Variants in AP5B1 observed in about 807,000 individuals in gnomAD.
The protein encoded by AP5B1 is AP-5 complex subunit beta-1.
AP5B1 carries 3 observed loss-of-function variants against 5.7 expected under a neutral mutation model. That is an observed-to-expected ratio of 0.53 (90% CI 0.24 to 1.36). The LOEUF is 1.36. Ranked by LOEUF, AP5B1 falls within the 40% of genes most tolerant of loss-of-function variation. The pLI is 0.17. For synonymous variants in AP5B1, 696 were observed against 555.5 expected, an observed-to-expected ratio of 1.25 and a Z score of -3.56; for missense variants, 1,310 against 1,143.2, an observed-to-expected ratio of 1.15 and a Z score of -2.10.
chr11:65,779,273 TGCAGGAGACTGG>T lies in AP5B1; in HGVS notation c.1208_1219del (p.Pro403_Leu406del). The T allele has an allele frequency of 2.5e-6, 4 of 1,597,406 alleles. No homozygotes were observed. The highest frequency in any genetic ancestry group is 3.4e-6 in the Non-Finnish European group (4 of 1,171,064). On this transcript the variant is annotated inframe_deletion, in exon 2 of 2. Coordinates refer to ENST00000532090, the MANE Select transcript of AP5B1 (RefSeq NM_138368.5). ...GCGGGCCAGGAGGGCCATTGGGTCA[TGCAGGAGACTGG>T]GCAGGAGACCACGGCATAGCTGGGG...
rs907136733 is a variant in AP5B1, at chr11:65,776,503, A to C, written c.*1353T>G. 2 of 152,180 alleles carry C rather than the reference A, an allele frequency of 1.3e-5. No homozygotes were observed. The highest frequency in any genetic ancestry group is 6.5e-5 in the Admixed American group (1 of 15,282). 9.4% of individuals were successfully genotyped at this position (152,180 alleles called of 1,614,324 possible). A position where few individuals can be genotyped will look rare whatever the true frequency, so the allele number is the denominator to read the frequency against. ...TTGCAAGGATGAAATGAGGCAACGT[A>C]CATGTGCCTGGCAGCACAGCTGACC... is the stretch of plus-strand genomic sequence containing the variant. On this transcript the variant is annotated 3_prime_UTR_variant, in exon 2 of 2. Transcript: ENST00000532090.
rs772243614 is a variant in AP5B1, at chr11:65,779,913, G to A, written c.580C>T (p.Arg194Cys). 1.3e-6 allele frequency: 2 copies of A among 1,590,812 alleles called. No homozygotes were observed. Among genetic ancestry groups the A allele is most frequent in the Non-Finnish European group, 1.7e-6 (2 of 1,168,612 alleles). ...CGGGACTGGAGCACCAAGGTGTTGC[G>A]CAAAGCGAGGGCCAGCAACAGGCTG... Reference protein sequence around the residue: ...PLSLLLALALRNTLVLQSRVG... With the variant: ...PLSLLLALALCNTLVLQSRVG... The change falls in exon 2 of 2, where the codon CGC becomes TGC. Residue 194 changes from arginine (R) to cysteine (C), a missense_variant. Arg to Cys is a radical substitution (Grantham distance 180, BLOSUM62 -3). Transcript: ENST00000532090.
At position 65,778,749 on chromosome 11, in the gene AP5B1, C is replaced by G. The variant is rs746825612; in HGVS notation, c.1744G>C (p.Ala582Pro). The change falls in exon 2 of 2, where the codon GCG becomes CCG. Residue 582 changes from alanine (A) to proline (P), a missense_variant. Transcript: ENST00000532090. ...LQQGLLRVCR[A>P]LLRAGVRGGL... ...CCCCTCACCCCTGCCCGCAGCAGCG[C>G]CCGGCAGACCCGCAGCAGGCCCTGC... is the stretch of plus-strand genomic sequence containing the variant. 6.2e-7 allele frequency: 1 copy of G among 1,607,446 alleles called. No homozygotes were observed. Among genetic ancestry groups the G allele is most frequent in the East Asian group, 2.2e-5 (1 of 44,798 alleles).
chr11:65,779,881 C>T lies in AP5B1; in HGVS notation c.612G>A (p.Gly204=), dbSNP rs780484384. The change falls in exon 2 of 2, where the codon GGG becomes GGA. Residue 204 remains glycine (G), a synonymous_variant. Transcript: ENST00000532090. ...RNTLVLQSRV[G]AGLGGLLTDK... ...CCGTGAGCAGTCCCCCCAGGCCAGC[C>T]CCAACCCGGGACTGGAGCACCAAGG... 1.1e-5 allele frequency: 18 copies of T among 1,595,032 alleles called. No individual in the cohort carries two copies. The highest frequency in any genetic ancestry group is 1.5e-5 in the Non-Finnish European group (18 of 1,170,472).
At position 65,778,773 on chromosome 11, in the gene AP5B1, G is replaced by C. The variant is rs767990013; in HGVS notation, c.1720C>G (p.Gln574Glu). Residue 574 changes from glutamine to glutamate, a missense_variant, in exon 2 of 2, where the codon CAG becomes GAG. By Grantham distance (29) the Gln-to-Glu change is conservative (BLOSUM62 2). Transcript: ENST00000532090. The part of the protein sequence containing the change: ...AAHCTNWDLQ[Q>E]GLLRVCRALL... ...GCCCGGCAGACCCGCAGCAGGCCCT[G>C]CTGTAGGTCCCAGTTCGTGCAGTGG... 6.2e-6 allele frequency: 10 copies of C among 1,610,324 alleles called. No homozygotes were observed. The highest frequency in any genetic ancestry group is 1.7e-4 in the Middle Eastern group (1 of 5,996).
Position 65,779,471 on chromosome 11 carries a change from G to A in AP5B1, c.1022C>T (p.Ala341Val), listed in dbSNP as rs1344849492. ...KAAFGEALFT[A>V]QDEALLLRRL... is the part of the protein sequence containing the mutation. ...GCGGAGCAGCAACGCTTCATCCTGG[G>A]CTGTGAACAAGGCCTCACCAAAGGC... Residue 341 changes from alanine to valine, a missense_variant, in exon 2 of 2, where the codon GCC (alanine) becomes GTC (valine). Ala to Val is a moderately conservative substitution (Grantham distance 64, BLOSUM62 0). Transcript: ENST00000532090. 2 of 1,603,852 alleles carry A rather than the reference G, an allele frequency of 1.2e-6. No individual in the cohort carries two copies. Among genetic ancestry groups the A allele is most frequent in the Non-Finnish European group, 1.7e-6 (2 of 1,175,928 alleles).
chr11:65,780,677 G>A lies in AP5B1; in HGVS notation c.-86C>T. The A allele has an allele frequency of 1.6e-6, 2 of 1,278,904 alleles. No homozygotes were observed. Among genetic ancestry groups the A allele is most frequent in the Non-Finnish European group, 2.0e-6 (2 of 1,007,574 alleles). 79.2% of individuals were successfully genotyped at this position (1,278,904 alleles called of 1,614,324 possible). On this transcript the variant is annotated 5_prime_UTR_variant, in exon 1 of 2. Transcript: ENST00000532090. Reference sequence around the variant, plus strand: ...CGCGGGGCCCGCTGCCGACCCCGAGGGGCTGCGGTCACCCCCAGACGCCGC... The same window carrying A: ...CGCGGGGCCCGCTGCCGACCCCGAGAGGCTGCGGTCACCCCCAGACGCCGC...
In AP5B1 at chr11:65,778,175, G is replaced by A. The variant is rs1857789876; in HGVS notation, c.2318C>T (p.Pro773Leu). The A allele has an allele frequency of 2.5e-6, 4 of 1,613,008 alleles. No homozygotes were observed. The highest frequency in any genetic ancestry group is 3.4e-6 in the Non-Finnish European group (4 of 1,179,910). The change falls in exon 2 of 2, where the codon CCT becomes CTT. Residue 773 changes from proline to leucine, a missense_variant. By Grantham distance (98) the Pro-to-Leu change is moderately conservative. Coordinates refer to ENST00000532090, the MANE Select transcript of AP5B1 (RefSeq NM_138368.5). The part of the protein sequence containing the change: ...FADLFLPFPQ[P>L]PEGAGLGFFE... ...GAAGCCCAGCCCGGCCCCCTCTGGA[G>A]GCTGCGGGAAAGGCAGAAAGAGGTC... is the stretch of plus-strand genomic sequence containing the variant.
At position 65,778,063 on chromosome 11, in the gene AP5B1, C is replaced by T. The variant is rs1440336204; in HGVS notation, c.2430G>A (p.Leu810=). Residue 810 remains leucine, a synonymous_variant, in exon 2 of 2, where the codon TTG becomes TTA. Coordinates refer to ENST00000532090, the MANE Select transcript of AP5B1 (RefSeq NM_138368.5). ...CPLGPQGLEG[L]VSRHLEPFVV... ...CAAAAGGCTCCAGGTGGCGGGACAC[C>T]AAGCCCTCCAGGCCCTGTGGCCCAA... 1 of 1,612,764 alleles carries T rather than the reference C, an allele frequency of 6.2e-7. No homozygotes were observed. The highest frequency in any genetic ancestry group is 2.2e-5 in the East Asian group (1 of 44,886).
Position 65,778,395 on chromosome 11 carries a change from C to T in AP5B1, c.2098G>A (p.Glu700Lys), listed in dbSNP as rs756862890. The change falls in exon 2 of 2, where the codon GAA becomes AAA. Residue 700 changes from glutamate to lysine, a missense_variant. Coordinates refer to ENST00000532090, the MANE Select transcript of AP5B1 (RefSeq NM_138368.5). ...TCCAGGGGTGCATACAGCTGTCCTTCCACACGGAAGCGCAGCTCCAGAGAG... is the reference window on the plus strand; with the variant it reads ...TCCAGGGGTGCATACAGCTGTCCTTTCACACGGAAGCGCAGCTCCAGAGAG... ...IYSLELRFRV[E>K]GQLYAPLEAV... 2.0e-5 allele frequency: 32 copies of T among 1,598,658 alleles called. No individual in the cohort carries two copies. In the Admixed American group the frequency reaches 2.3e-4, roughly 11 times the overall value.
Position 65,780,089 on chromosome 11 carries a change from C to A in AP5B1, c.404G>T (p.Arg135Leu), listed in dbSNP as rs1476998809. 3 of 1,524,698 alleles carry A rather than the reference C, an allele frequency of 2.0e-6. No individual in the cohort carries two copies. The highest frequency in any genetic ancestry group is 2.6e-6 in the Non-Finnish European group (3 of 1,135,116). 94.4% of individuals were successfully genotyped at this position (1,524,698 alleles called of 1,614,324 possible). A position where few individuals can be genotyped will look rare whatever the true frequency, so the allele number is the denominator to read the frequency against. The stretch of plus-strand genomic sequence containing the variant: ...CTGTTCCGAGGCGGGGACAAAGCCT[C>A]GCCCCAGATCGCTACCCGCGGCCAG... ...LGLAAGSDLGRGFVPASEQRP... is the reference protein window; with the variant it reads ...LGLAAGSDLGLGFVPASEQRP... Residue 135 changes from arginine (R) to leucine (L), a missense_variant, in exon 2 of 2, where the codon CGA becomes CTA. By Grantham distance (102) the Arg-to-Leu change is moderately radical. Coordinates refer to ENST00000532090, the MANE Select transcript of AP5B1 (RefSeq NM_138368.5).
rs763389064 is a variant in AP5B1, at chr11:65,780,310, A to C, written c.183T>G (p.Pro61=). The C allele has an allele frequency of 6.7e-7, 1 of 1,489,636 alleles. No individual in the cohort carries two copies. The highest frequency in any genetic ancestry group is 2.5e-5 in the East Asian group (1 of 39,534). 92.3% of individuals were successfully genotyped at this position (1,489,636 alleles called of 1,614,324 possible). ...CAGAGGCGTCGGGCCACAGCTGCGC[A>C]GGGTACTCCATGCTCAGGGCCAGCA... The part of the protein sequence containing the change: ...VSLLALSMEY[P]AQLWPDASAA... Residue 61 remains proline (P), a synonymous_variant, in exon 2 of 2, where the codon CCT becomes CCG. Transcript: ENST00000532090.
At position 65,775,119 on chromosome 11, in the gene AP5B1, C is replaced by T. The variant is rs1257735126; in HGVS notation, c.*2737G>A. Reference sequence around the variant, plus strand: ...CATTCCCTATGATTCAGCAATTCTGCTCCTAGCATGTATCCCAGAGAATTG... The same window carrying T: ...CATTCCCTATGATTCAGCAATTCTGTTCCTAGCATGTATCCCAGAGAATTG... On this transcript the variant is annotated 3_prime_UTR_variant, in exon 2 of 2. Transcript: ENST00000532090. 6.6e-6 allele frequency among the ~76,000 whole-genome samples: 1 copy of T among 152,156 alleles called. No homozygotes were observed. The highest frequency in any genetic ancestry group is 1.5e-5 in the Non-Finnish European group (1 of 68,024).
rs1857818674 is a variant in AP5B1, at chr11:65,779,649, T to G, written c.844A>C (p.Thr282Pro). ...AGGAGCTGGGCCTGGGCCACAGGAG[T>G]GAGCAGATAGGAGGTGTCCAGAAGC... Reference protein sequence around the residue: ...IQLLDTSYLLTPVAQAQLLWL... With the variant: ...IQLLDTSYLLPPVAQAQLLWL... Residue 282 changes from threonine to proline, a missense_variant, in exon 2 of 2, where the codon ACT (threonine) becomes CCT (proline). Thr to Pro is a conservative substitution (Grantham distance 38, BLOSUM62 -1). Transcript: ENST00000532090. 1 of 1,610,952 alleles carries G rather than the reference T, an allele frequency of 6.2e-7. No individual in the cohort carries two copies. The highest frequency in any genetic ancestry group is 1.3e-5 in the African/African-American group (1 of 74,712).
In AP5B1 at chr11:65,774,099, A is replaced by C. The variant is rs144740146; in HGVS notation, c.*3757T>G. ...CTCGGCAGCTGTGTCTAAACCATAA[A>C]GGGATGGGGTATAACAAGTTGCATC... is the stretch of plus-strand genomic sequence containing the variant. On this transcript the variant is annotated 3_prime_UTR_variant, in exon 2 of 2. Coordinates refer to ENST00000532090, the MANE Select transcript of AP5B1 (RefSeq NM_138368.5). Among the ~76,000 whole-genome samples, 3 of 152,284 alleles carry C rather than the reference A, an allele frequency of 2.0e-5. No individual in the cohort carries two copies. The highest frequency in any genetic ancestry group is 1.9e-4 in the East Asian group (1 of 5,184).
At position 65,778,202 on chromosome 11, in the gene AP5B1, G is replaced by A. The variant is rs538196869; in HGVS notation, c.2291C>T (p.Ala764Val). The change falls in exon 2 of 2, where the codon GCC (alanine) becomes GTC (valine). Residue 764 changes from alanine to valine, a missense_variant. Coordinates refer to ENST00000532090, the MANE Select transcript of AP5B1 (RefSeq NM_138368.5). ...CTGCGGGAAAGGCAGAAAGAGGTCG[G>A]CAAAGTTCACGAACAGGGGTGGCAA... ...AHLPPLFVNFADLFLPFPQPP... is the reference protein window; with the variant it reads ...AHLPPLFVNFVDLFLPFPQPP... 1.2e-6 allele frequency: 2 copies of A among 1,613,304 alleles called. No homozygotes were observed. Among genetic ancestry groups the A allele is most frequent in the African/African-American group, 1.3e-5 (1 of 75,078 alleles).
Position 65,779,042 on chromosome 11 carries a change from G to T in AP5B1, c.1451C>A (p.Thr484Asn), listed in dbSNP as rs752650257. The change falls in exon 2 of 2, where the codon ACC (threonine) becomes AAC (asparagine). Residue 484 changes from threonine to asparagine, a missense_variant. By Grantham distance (65) the Thr-to-Asn change is moderately conservative. Coordinates refer to ENST00000532090, the MANE Select transcript of AP5B1 (RefSeq NM_138368.5). ...CCLAGQPTVLTPLIHGLAQLY... is the reference protein window; with the variant it reads ...CCLAGQPTVLNPLIHGLAQLY... ...CTGGGCCAGTCCGTGGATCAAGGGGGTCAGCACCGTAGGTTGCCCAGCCAG... is the reference window on the plus strand; with the variant it reads ...CTGGGCCAGTCCGTGGATCAAGGGGTTCAGCACCGTAGGTTGCCCAGCCAG... 2.4e-5 allele frequency: 39 copies of T among 1,607,218 alleles called. No individual in the cohort carries two copies. Among genetic ancestry groups the T allele is most frequent in the Non-Finnish European group, 3.0e-5 (35 of 1,177,108 alleles).
rs939199107 is a variant in AP5B1 at position 65,774,422 on chromosome 11, T to C, written c.*3434A>G. 6.6e-6 allele frequency among the ~76,000 whole-genome samples: 1 copy of C among 152,150 alleles called. No individual in the cohort carries two copies. Among genetic ancestry groups the C allele is most frequent in the African/African-American group, 2.4e-5 (1 of 41,420 alleles). ...AACTGACCCCTTCACATTTCTTTTT[T>C]CTTTTTTGAGACGGAGTCCTGCTCT... On this transcript the variant is annotated 3_prime_UTR_variant, in exon 2 of 2. Transcript: ENST00000532090.
At position 65,779,494 on chromosome 11, in the gene AP5B1, G is replaced by A. The variant is rs1392383890; in HGVS notation, c.999C>T (p.Ala333=). 1.9e-6 allele frequency: 3 copies of A among 1,602,916 alleles called. No homozygotes were observed. Among genetic ancestry groups the A allele is most frequent in the East Asian group, 2.3e-5 (1 of 44,436 alleles). ...LLHAMLALKA[A]FGEALFTAQD... ...GGGCTGTGAACAAGGCCTCACCAAA[G>A]GCCGCCTTGAGCGCAAGCATGGCGT... is the stretch of plus-strand genomic sequence containing the variant. The change falls in exon 2 of 2, where the codon GCC becomes GCT. Residue 333 remains alanine, a synonymous_variant. Transcript: ENST00000532090.
Sources: gnomAD v4.1 joint callset for allele counts (sites outside exome capture counted in the v4.1 genomes callset) on GRCh38, gnomAD v4.1.1 for gene constraint, MANE v1.5 for transcripts, NCBI Gene and HGNC (gene_info 2026-07-23, HGNC 2026-07-21) for gene names.